The following GALNT15 variants were observed in gnomAD, a reference collection of about 807,000 sequenced individuals.
GALNT15 encodes the protein UDP-GalNAc transferase T15.
Under a neutral mutation model 66.8 loss-of-function variants are expected in GALNT15, and 67 were observed. The observed-to-expected ratio is 1.00, with a 90% CI of 0.82 to 1.23. The LOEUF (loss-of-function observed/expected upper bound fraction) is 1.23, where lower values mean the gene tolerates loss of function less well. GALNT15 is among the 50% of genes most tolerant of loss of function. GALNT15 has a pLI of 0.00. For missense variants in GALNT15, 827 were observed against 804.3 expected (o/e 1.03, Z -0.34); for synonymous variants, 313 against 311.5 (o/e 1.00, Z -0.05).
chr3:16,237,069 T>A, the GALNT15 span, among the ~76,000 whole-genome samples: 1 of 152,222 alleles, frequency 6.6e-6, no homozygotes, highest in Admixed American at 6.5e-5. The surrounding 1 kb of genome is among the most constrained non-coding windows in gnomAD (Gnocchi z 4.2). Flanking sequence ...AAATCTTTTG[T>A]GTTTGGGATG....
downstream of GALNT15, among the ~76,000 whole-genome samples, chr3:16,233,559 G>A (rs892548626): frequency 2.0e-5 from 3 of 151,988 alleles, no homozygotes; most frequent in African/African-American, 7.3e-5. Flanking sequence ...CTGTGGTCAT[G>A]TCGTCCCTCC....
At chr3:16,246,543 C>T in the GALNT15 span, among the ~76,000 whole-genome samples, 905 of 152,114 alleles carry the variant, frequency 5.9e-3, 10 homozygotes, top group African/African-American at 0.021. Context: ...AGGATGGTCT[C>T]GATCTCTTGA....
In GALNT15 at chr3:16,212,590, G is replaced by T; in HGVS notation, c.1219G>T (p.Val407Phe). 6.2e-7 allele frequency: 1 copy of T among 1,613,844 alleles called. No individual in the cohort carries two copies. Among genetic ancestry groups the T allele is most frequent in the Admixed American group, 1.7e-5 (1 of 60,000 alleles). The change falls in exon 6 of 10, where the codon GTT (valine) becomes TTT (phenylalanine). Residue 407 changes from valine (V) to phenylalanine (F), a missense_variant. Physicochemically the swap from Val to Phe is conservative, Grantham distance 50. Transcript: ENST00000339732. ...SFKAWLCGGS[V>F]EILPCSRVGH... ...GCAGGCCTGGCTCTGTGGTGGCTCT[G>T]TTGAAATCCTTCCCTGCTCTCGGGT...
At chr3:16,207,977 G>T (rs1484574547) in intron 3 of GALNT15, among the ~76,000 whole-genome samples, 2 of 152,154 alleles carry the variant, frequency 1.3e-5, no homozygotes, top group Non-Finnish European at 2.9e-5. Flanking sequence ...GGTATCTCAA[G>T]ATTACATAGT....
chr3:16,219,976 A>G lies in GALNT15; in HGVS notation c.1591A>G (p.Met531Val). Residue 531 changes from methionine to valine, a missense_variant, in exon 8 of 10, where the codon ATG becomes GTG. Coordinates refer to ENST00000339732, the MANE Select transcript of GALNT15 (RefSeq NM_054110.5). This position sits in a 1 kb window ranked among gnomAD's most constrained non-coding sequence, Gnocchi z 4.3. ...QAEGDILGCP[M>V]VLAPCSDSRQ... Reference sequence around the variant, plus strand: ...AGAAGGGGACATCCTGGGCTGTCCCATGGTGTTGGCTCCTTGCAGTGACAG... The same window carrying G: ...AGAAGGGGACATCCTGGGCTGTCCCGTGGTGTTGGCTCCTTGCAGTGACAG... The G allele has an allele frequency of 6.2e-7, 1 of 1,614,178 alleles. No individual in the cohort carries two copies. The highest frequency in any genetic ancestry group is 1.1e-5 in the South Asian group (1 of 91,082).
Position 16,187,213 on chromosome 3 carries a change from A to C in GALNT15, c.540-8547A>C, listed in dbSNP as rs2063526481. Among the ~76,000 whole-genome samples, 1 of 152,094 alleles carries C rather than the reference A, an allele frequency of 6.6e-6. No homozygotes were observed. The stretch of plus-strand genomic sequence containing the variant: ...TGGGAGGTGGAGGTTGCAGTGAGCT[A>C]AGATAATGCCACTGCACTCCAGCCT... On this transcript the variant is annotated intron_variant, in intron 1 of 9. Coordinates refer to ENST00000339732, the MANE Select transcript of GALNT15 (RefSeq NM_054110.5). This position sits in a 1 kb window ranked among gnomAD's most constrained non-coding sequence, Gnocchi z 5.1.
rs1030435040 is a variant in GALNT15, at chr3:16,229,715, T to C, written c.*2215T>C. 7 of 976,096 alleles carry C rather than the reference T, an allele frequency of 7.2e-6. No individual in the cohort carries two copies. The highest frequency in any genetic ancestry group is 1.8e-5 in the African/African-American group (1 of 57,050). 60.5% of individuals were successfully genotyped at this position (976,096 alleles called of 1,614,324 possible). On this transcript the variant is annotated 3_prime_UTR_variant, in exon 10 of 10. Transcript: ENST00000339732. ...CTTTGAAGTTGCTGGGATAAATTAA[T>C]ATAATTAAATAAAAGACTGAATTTA...
downstream of GALNT15, chr3:16,232,054 G>A: frequency 8.9e-7 from 1 of 1,121,046 alleles, no homozygotes; most frequent in Non-Finnish European, 1.2e-6. Flanking sequence ...TTCAGAGAGG[G>A]TGAAAGGTGA....
At position 16,189,726 on chromosome 3, in the gene GALNT15, A is replaced by G. The variant is rs1043869999; in HGVS notation, c.540-6034A>G. ...AGCTAGCTAGCATTTTGGGGCTCTTACTATGCATAAGTACTTCAAATGTAT... is the reference window on the plus strand; with the variant it reads ...AGCTAGCTAGCATTTTGGGGCTCTTGCTATGCATAAGTACTTCAAATGTAT... On this transcript the variant is annotated intron_variant, in intron 1 of 9. Transcript: ENST00000339732. The surrounding 1 kb of genome is among the most constrained non-coding windows in gnomAD (Gnocchi z 5.1). Among the ~76,000 whole-genome samples, 3 of 152,264 alleles carry G rather than the reference A, an allele frequency of 2.0e-5. No individual in the cohort carries two copies. The highest frequency in any genetic ancestry group is 2.0e-4 in the Admixed American group (3 of 15,286).
In GALNT15 at chr3:16,184,347, GA is replaced by G. The variant is rs1221017886; in HGVS notation, c.539+8658del. Among the ~76,000 whole-genome samples, 4 of 152,192 alleles carry G rather than the reference GA, an allele frequency of 2.6e-5. No homozygotes were observed. Among genetic ancestry groups the G allele is most frequent in the African/African-American group, 9.7e-5 (4 of 41,436 alleles). On this transcript the variant is annotated intron_variant, in intron 1 of 9. Transcript: ENST00000339732. The surrounding 1 kb of genome is among the most constrained non-coding windows in gnomAD (Gnocchi z 5.0). ...TGGGGCCTTGCTTTATGATGTTCAAGAGCCTTTGCCATGCTCTGCCTCATTG... is the reference window on the plus strand; with the variant it reads ...TGGGGCCTTGCTTTATGATGTTCAAGGCCTTTGCCATGCTCTGCCTCATTG...
At position 16,181,097 on chromosome 3, in the gene GALNT15, A is replaced by C. The variant is rs1206574982; in HGVS notation, c.539+5407A>C. ...ATTCTTGAGTAAATGGCCTAGGAGT[A>C]AGTTGGAGTGATGGAGAAAAATGGA... On this transcript the variant is annotated intron_variant, in intron 1 of 9. Coordinates refer to ENST00000339732, the MANE Select transcript of GALNT15 (RefSeq NM_054110.5). The surrounding 1 kb of genome is among the most constrained non-coding windows in gnomAD (Gnocchi z 5.9). Among the ~76,000 whole-genome samples the C allele has an allele frequency of 1.3e-5, 2 of 152,206 alleles. No individual in the cohort carries two copies. Among genetic ancestry groups the C allele is most frequent in the Non-Finnish European group, 1.5e-5 (1 of 68,040 alleles).
Position 16,227,206 on chromosome 3 carries a change from T to G in GALNT15, c.1774-148T>G. The G allele has an allele frequency of 1.2e-6, 1 of 831,166 alleles. No individual in the cohort carries two copies. Among genetic ancestry groups the G allele is most frequent in the Non-Finnish European group, 1.8e-6 (1 of 552,288 alleles). The allele number at this position is 831,166 out of a possible 1,614,324, so 51.5% of individuals were successfully genotyped here. A position where few individuals can be genotyped will look rare whatever the true frequency, so the allele number is the denominator to read the frequency against. On this transcript the variant is annotated intron_variant, in intron 9 of 9. Transcript: ENST00000339732. This position sits in a 1 kb window ranked among gnomAD's most constrained non-coding sequence, Gnocchi z 4.5. ...TTAGGGCTACCTAATTTATATTTTA[T>G]GTTGATCAAAATACCACAATTCCTT... is the stretch of plus-strand genomic sequence containing the variant.
intron 2 of GALNT15, among the ~76,000 whole-genome samples, chr3:16,197,624 G>A (rs963346872): frequency 4.6e-5 from 7 of 152,208 alleles, no homozygotes; most frequent in Non-Finnish European, 1.0e-4. Context: ...CTTCCAAGCC[G>A]ATGGTCATGA....
intron 9 of GALNT15, among the ~76,000 whole-genome samples, chr3:16,223,055 T>C (rs2063964344): frequency 6.6e-6 from 1 of 152,156 alleles, no homozygotes; most frequent in Non-Finnish European, 1.5e-5. Flanking sequence ...AGTTCACAAG[T>C]AGGATGGTGA....
chr3:16,201,140 C>A (rs1395695592), intron 3 of GALNT15, among the ~76,000 whole-genome samples: 1 of 151,858 alleles, frequency 6.6e-6, no homozygotes, highest in Non-Finnish European at 1.5e-5. Flanking sequence ...GCTATCATTG[C>A]CTTTGGTGAA....
chr3:16,245,744 G>A, the GALNT15 span, among the ~76,000 whole-genome samples: 9 of 152,190 alleles, frequency 5.9e-5, no homozygotes, highest in Non-Finnish European at 8.8e-5. Context: ...CCATATTCCC[G>A]GCTTCTTCCA....
rs911646388 is a variant in GALNT15, at chr3:16,228,126, G to A, written c.*626G>A. ...ACCCAGCAGCTGAAAAGCTTCAAGA[G>A]ATCTAGGAAAAGACATTTTCATGTT... is the stretch of plus-strand genomic sequence containing the variant. On this transcript the variant is annotated 3_prime_UTR_variant, in exon 10 of 10. Coordinates refer to ENST00000339732, the MANE Select transcript of GALNT15 (RefSeq NM_054110.5). The A allele has an allele frequency of 2.0e-6, 2 of 985,968 alleles. No individual in the cohort carries two copies. The highest frequency in any genetic ancestry group is 1.7e-5 in the African/African-American group (1 of 57,328). 61.1% of individuals were successfully genotyped at this position (985,968 alleles called of 1,614,324 possible). A position where few individuals can be genotyped will look rare whatever the true frequency, so the allele number is the denominator to read the frequency against.
chr3:16,199,895 A>G (rs1346005939), intron 2 of GALNT15, among the ~76,000 whole-genome samples: 7 of 152,198 alleles, frequency 4.6e-5, no homozygotes, highest in Non-Finnish European at 7.3e-5. Context: ...AGCTGGGGAC[A>G]TGCAAACCAA....
the GALNT15 span, among the ~76,000 whole-genome samples, chr3:16,246,321 GTTTTTTTTTTT>G: frequency 1.2e-5 from 1 of 85,274 alleles, no homozygotes; most frequent in African/African-American, 4.8e-5. Flanking sequence ...TTTGAAAGTG[GTTTTTTTTTTT>G]TTTTTTTTTT....
Sources: gnomAD v4.1 joint callset for allele counts (sites outside exome capture counted in the v4.1 genomes callset) on GRCh38, gnomAD v4.1.1 for gene constraint, Gnocchi (gnomAD v3.1) non-coding constraint, MANE v1.5 for transcripts, NCBI Gene and HGNC (gene_info 2026-07-23, HGNC 2026-07-21) for gene names.